The following LMAN2 variants were observed in gnomAD, a reference collection of about 807,000 sequenced individuals.
The protein encoded by LMAN2 is vesicular integral-membrane protein VIP36.
In LMAN2, 22 loss-of-function variants were observed where a neutral mutation model predicts 39.3. The ratio of observed to expected loss-of-function variants is 0.56; its 90% confidence interval spans 0.40 to 0.80. The LOEUF (loss-of-function observed/expected upper bound fraction) is 0.80. Among genes scored for constraint, LMAN2 ranks in the 30% least tolerant of loss-of-function variants. LMAN2 has a pLI of 0.00. For synonymous variants in LMAN2, 207 were observed against 207.8 expected, an observed-to-expected ratio of 1.00 and a Z score of 0.03; for missense variants, 494 against 505.4, an observed-to-expected ratio of 0.98 and a Z score of 0.22.
intron 2 of LMAN2, among the ~76,000 whole-genome samples, chr5:177,345,780 T>TA (rs1491354931): frequency 6.0e-5 from 9 of 151,002 alleles, no homozygotes; most frequent in African/African-American, 2.2e-4. Context: ...TTTATTTATT[T>TA]ATTTTTTGAG....
At chr5:177,346,964 T>C (rs1761645952) in intron 2 of LMAN2, among the ~76,000 whole-genome samples, 1 of 152,054 alleles carries the variant, frequency 6.6e-6, no homozygotes, top group Non-Finnish European at 1.5e-5. Flanking sequence ...AGAACCTACG[T>C]GGCACACTGT....
Position 177,337,531 on chromosome 5 carries a change from C to G in LMAN2, c.514-7G>C. 6.2e-7 allele frequency: 1 copy of G among 1,613,496 alleles called. No individual in the cohort carries two copies. Among genetic ancestry groups the G allele is most frequent in the Admixed American group, 1.7e-5 (1 of 60,002 alleles). Reference sequence around the variant, plus strand: ...AGATGTACGGGAACACGCGCTGGGACCAAGACATCGGTTACTCCACAAGCA... The same window carrying G: ...AGATGTACGGGAACACGCGCTGGGAGCAAGACATCGGTTACTCCACAAGCA... On this transcript the variant is annotated splice_polypyrimidine_tract_variant and splice_region_variant and intron_variant, in intron 4 of 7. Transcript: ENST00000303127. The surrounding 1 kb of genome is among the most constrained non-coding windows in gnomAD (Gnocchi z 8.2).
chr5:177,351,277 A>T lies in LMAN2; in HGVS notation c.211T>A (p.Ser71Thr). The T allele has an allele frequency of 6.2e-7, 1 of 1,614,012 alleles. No homozygotes were observed. Among genetic ancestry groups the T allele is most frequent in the Non-Finnish European group, 8.5e-7 (1 of 1,180,034 alleles). ...IKPYQGVGSS[S>T]MPLWDFQGST... ...CCCTGGAAGTCCCAGAGGGGCATAG[A>T]GCTGGAACCGACCCCTGTGGGAAGA... Residue 71 changes from serine to threonine, a missense_variant, in exon 2 of 8, where the codon TCT becomes ACT. By Grantham distance (58) the Ser-to-Thr change is moderately conservative. Coordinates refer to ENST00000303127, the MANE Select transcript of LMAN2 (RefSeq NM_006816.3).
In LMAN2 at chr5:177,337,108, G is replaced by T; in HGVS notation, c.790+28C>A. 6.4e-7 allele frequency: 1 copy of T among 1,562,542 alleles called. No homozygotes were observed. The highest frequency in any genetic ancestry group is 8.8e-7 in the Non-Finnish European group (1 of 1,137,730). On this transcript the variant is annotated intron_variant, in intron 6 of 7. Transcript: ENST00000303127. This position sits in a 1 kb window ranked among gnomAD's most constrained non-coding sequence, Gnocchi z 8.2. The stretch of plus-strand genomic sequence containing the variant: ...AGTCCCTCAGGGTGAGCTGGGCTGG[G>T]AACCAACGCCTGGCCCGGCCCACTC...
chr5:177,351,473 A>T lies in LMAN2; in HGVS notation c.175T>A (p.Ser59Thr), dbSNP rs1761722610. The T allele has an allele frequency of 6.2e-7, 1 of 1,613,634 alleles. No individual in the cohort carries two copies. Among genetic ancestry groups the T allele is most frequent in the Non-Finnish European group, 8.5e-7 (1 of 1,179,774 alleles). The change falls in exon 1 of 8, where the codon TCG (serine) becomes ACG (threonine). Residue 59 changes from serine to threonine, a missense_variant. By Grantham distance (58) the Ser-to-Thr change is moderately conservative (BLOSUM62 1). Coordinates refer to ENST00000303127, the MANE Select transcript of LMAN2 (RefSeq NM_006816.3). ...TCACCTTGGTAGGGCTTAATGAGCG[A>T]ATGCTCCCGCTTGAGATGTTCACTG... is the stretch of plus-strand genomic sequence containing the variant. ...GNSEHLKREH[S>T]LIKPYQGVGS...
At position 177,337,265 on chromosome 5, in the gene LMAN2, AC is replaced by A. The variant is rs1479832617; in HGVS notation, c.676-16del. 1 of 1,613,572 alleles carries A rather than the reference AC, an allele frequency of 6.2e-7. No homozygotes were observed. Among genetic ancestry groups the A allele is most frequent in the African/African-American group, 1.3e-5 (1 of 75,038 alleles). ...TCGGTCATCACCTGCAGGGCCCAGC[AC>A]GCTAAGCACCTCGCAGGACAGCAGC... On this transcript the variant is annotated splice_polypyrimidine_tract_variant and intron_variant, in intron 5 of 7. Coordinates refer to ENST00000303127, the MANE Select transcript of LMAN2 (RefSeq NM_006816.3). The surrounding 1 kb of genome is among the most constrained non-coding windows in gnomAD (Gnocchi z 8.2).
At chr5:177,348,387 T>C (rs1478357722) in intron 2 of LMAN2, among the ~76,000 whole-genome samples, 1 of 152,078 alleles carries the variant, frequency 6.6e-6, no homozygotes. Flanking sequence ...ACAAGTTCAA[T>C]TAAAAAACTG....
rs1175051085 is a variant in LMAN2 at position 177,337,970 on chromosome 5, C to T, written c.434-185G>A. Among the ~76,000 whole-genome samples, 1 of 151,678 alleles carries T rather than the reference C, an allele frequency of 6.6e-6. No individual in the cohort carries two copies. The highest frequency in any genetic ancestry group is 1.5e-5 in the Non-Finnish European group (1 of 67,942). ...TCTCCTCAGAAGTGGGGGGTCTAGG[C>T]ATATGACACAGAGGACTCAAGTTTG... On this transcript the variant is annotated intron_variant, in intron 3 of 7. Coordinates refer to ENST00000303127, the MANE Select transcript of LMAN2 (RefSeq NM_006816.3). The surrounding 1 kb of genome is among the most constrained non-coding windows in gnomAD (Gnocchi z 8.2).
At chr5:177,351,058 A>G in intron 2 of LMAN2, 115 bp downstream of exon 2, 2 of 876,408 alleles carry the variant, frequency 2.3e-6, no homozygotes, top group Non-Finnish European at 3.9e-6. Context: ...CGAGATGAGG[A>G]AAAGGCCAGG....
rs769787611 is a variant in LMAN2, at chr5:177,351,322, C to T, written c.197-31G>A. Reference sequence around the variant, plus strand: ...GGAAGAGACAGGTGCTAAGAGGCCACGCCAGGACTGGCCTCACCAGAGGCA... The same window carrying T: ...GGAAGAGACAGGTGCTAAGAGGCCATGCCAGGACTGGCCTCACCAGAGGCA... On this transcript the variant is annotated intron_variant, in intron 1 of 7. Transcript: ENST00000303127. The T allele has an allele frequency of 2.5e-6, 4 of 1,609,934 alleles. No homozygotes were observed. The East Asian group carries it at 8.9e-5, about 36-fold the overall frequency.
At position 177,332,208 on chromosome 5, in the gene LMAN2, GC is replaced by G. The variant is rs1761397291; in HGVS notation, c.948del (p.Leu318Ter). 6.2e-7 allele frequency: 1 copy of G among 1,613,076 alleles called. No homozygotes were observed. The highest frequency in any genetic ancestry group is 1.7e-5 in the Admixed American group (1 of 59,966). On this transcript the variant is annotated frameshift_variant, in exon 8 of 8. Transcript: ENST00000303127. LOFTEE classifies it high-confidence loss of function. The surrounding 1 kb of genome is among the most constrained non-coding windows in gnomAD (Gnocchi z 6.3). ...VDDPTGNFRS[G>X]PLTGWRVFLL... is the part of the protein sequence containing the mutation. ...AGGAACACCCGCCACCCCGTCAGGG[GC>G]CCGCTGCGGAAGTTCCCCGTGGGGT...
intron 6 of LMAN2, among the ~76,000 whole-genome samples, chr5:177,336,304 A>G (rs1561603822): frequency 6.6e-6 from 1 of 152,076 alleles, no homozygotes; most frequent in Non-Finnish European, 1.5e-5. Flanking sequence ...AGGCAGGGGG[A>G]GCAGTGAGCA....
chr5:177,345,538 A>T (rs1761620754), intron 2 of LMAN2, among the ~76,000 whole-genome samples: 1 of 152,004 alleles, frequency 6.6e-6, no homozygotes, highest in Non-Finnish European at 1.5e-5. Context: ...GCTAAAACAT[A>T]AAGAAATGGG....
chr5:177,348,169 A>C (rs1761663655), intron 2 of LMAN2, among the ~76,000 whole-genome samples: 2 of 152,266 alleles, frequency 1.3e-5, no homozygotes, highest in Admixed American at 6.5e-5. Flanking sequence ...TTACTCAAAA[A>C]CTGTGTAATG....
chr5:177,336,411 T>C (rs149369888), intron 6 of LMAN2, among the ~76,000 whole-genome samples: 44 of 152,312 alleles, frequency 2.9e-4, no homozygotes, highest in African/African-American at 1.0e-3. Context: ...TGAAGGCGAT[T>C]ACTGAAGGCG....
chr5:177,342,218 TAA>T (rs1761564632), intron 2 of LMAN2, among the ~76,000 whole-genome samples: 1 of 152,124 alleles, frequency 6.6e-6, no homozygotes, highest in Non-Finnish European at 1.5e-5. Flanking sequence ...ATTTGAAAAG[TAA>T]AGAGGCCAGG....
At chr5:177,351,327 G>A (rs374936661) in intron 1 of LMAN2, 36 bp from the exon 2 acceptor site, 10 of 1,610,924 alleles carry the variant, frequency 6.2e-6, no homozygotes, top group Non-Finnish European at 8.5e-6. Flanking sequence ...GGCCACGCCA[G>A]GACTGGCCTC....
intron 2 of LMAN2, among the ~76,000 whole-genome samples, chr5:177,343,917 T>C (rs547609881): frequency 4.6e-5 from 7 of 151,924 alleles, no homozygotes; most frequent in Non-Finnish European, 8.8e-5. Flanking sequence ...CACTTAAAAA[T>C]GGTTAAAATG....
rs779673371 is a variant in LMAN2 at position 177,351,292 on chromosome 5, C to G, written c.197-1G>C. 6.2e-7 allele frequency: 1 copy of G among 1,613,728 alleles called. No individual in the cohort carries two copies. The highest frequency in any genetic ancestry group is 8.5e-7 in the Non-Finnish European group (1 of 1,180,036). On this transcript the variant is annotated splice_acceptor_variant, in intron 1 of 7. Transcript: ENST00000303127. LOFTEE classifies it high-confidence loss of function. The stretch of plus-strand genomic sequence containing the variant: ...AGGGGCATAGAGCTGGAACCGACCC[C>G]TGTGGGAAGAGACAGGTGCTAAGAG...
Sources: gnomAD v4.1 joint callset for allele counts (sites outside exome capture counted in the v4.1 genomes callset) on GRCh38, gnomAD v4.1.1 for gene constraint, Gnocchi (gnomAD v3.1) non-coding constraint, MANE v1.5 for transcripts, NCBI Gene and HGNC (gene_info 2026-07-23, HGNC 2026-07-21) for gene names.